ENTREP2: variants seen among roughly 807,000 people sequenced by gnomAD.
ENTREP2 encodes the protein protein ENTREP2.
the ENTREP2 span, among the ~76,000 whole-genome samples, chr15:29,532,069 C>CTATTAA: frequency 2.0e-5 from 3 of 152,314 alleles, no homozygotes; most frequent in South Asian, 6.2e-4. Context: ...GAAGACAATG[C>CTATTAA]TATTAACTAT....
At chr15:29,573,641 C>CT in the ENTREP2 span, among the ~76,000 whole-genome samples, 9 of 150,402 alleles carry the variant, frequency 6.0e-5, no homozygotes, top group South Asian at 2.1e-4. Flanking sequence ...CTCTCTCTCT[C>CT]CCCCCCTCTC....
the ENTREP2 span, among the ~76,000 whole-genome samples, chr15:29,648,759 G>A: frequency 8.6e-5 from 13 of 152,000 alleles, no homozygotes; most frequent in East Asian, 3.9e-4. Flanking sequence ...CCAACATGGC[G>A]AAACCCCATC....
the ENTREP2 span, among the ~76,000 whole-genome samples, chr15:29,664,282 G>T: frequency 6.6e-6 from 1 of 152,128 alleles, no homozygotes; most frequent in Admixed American, 6.5e-5. Context: ...GTGCACTCTG[G>T]TCTGTGGTCA....
At chr15:29,375,005 T>C in the ENTREP2 span, 1 of 152,212 alleles carries the variant, frequency 6.6e-6, no homozygotes, top group South Asian at 2.1e-4. Flanking sequence ...GATTAGATGA[T>C]AGACATTAGG....
At chr15:29,321,223 T>C in the ENTREP2 span, among the ~76,000 whole-genome samples, 147 of 152,192 alleles carry the variant, frequency 9.7e-4, no homozygotes, top group Middle Eastern at 0.01. Flanking sequence ...CACCTTACCA[T>C]AGATGAACAA....
the ENTREP2 span, among the ~76,000 whole-genome samples, chr15:29,190,977 GAT>G: frequency 6.6e-6 from 1 of 152,142 alleles, no homozygotes; most frequent in Non-Finnish European, 1.5e-5. Context: ...GGCTGTCCTG[GAT>G]ATCCGTGCAA....
chr15:29,156,892 C>T, the ENTREP2 span, among the ~76,000 whole-genome samples: 5 of 152,040 alleles, frequency 3.3e-5, no homozygotes, highest in South Asian at 2.1e-4. Context: ...GTCAGGAGTT[C>T]GAGACCAGTC....
the ENTREP2 span, among the ~76,000 whole-genome samples, chr15:29,220,274 T>C: frequency 6.6e-6 from 1 of 152,200 alleles, no homozygotes; most frequent in African/African-American, 2.4e-5. Flanking sequence ...ATTTAGCGCA[T>C]GTGAATTCAG....
the ENTREP2 span, among the ~76,000 whole-genome samples, chr15:29,228,192 G>A: frequency 5.3e-5 from 8 of 152,058 alleles, no homozygotes; most frequent in East Asian, 1.9e-4. Context: ...GGTGGCGGGC[G>A]CCTGTAATCC....
the ENTREP2 span, among the ~76,000 whole-genome samples, chr15:29,231,886 T>TTTTTTTTTTTTTG: frequency 8.8e-6 from 1 of 113,890 alleles, no homozygotes; most frequent in African/African-American, 3.0e-5. Flanking sequence ...TTTTCTTTTC[T>TTTTTTTTTTTTTG]TTTCTTTCTT....
At chr15:29,247,329 A>T in the ENTREP2 span, among the ~76,000 whole-genome samples, 1 of 152,330 alleles carries the variant, frequency 6.6e-6, no homozygotes, top group East Asian at 1.9e-4. Context: ...TGCCAATTCA[A>T]ATCTCAAATC....
chr15:29,511,033 C>T, the ENTREP2 span, among the ~76,000 whole-genome samples: 2 of 151,862 alleles, frequency 1.3e-5, no homozygotes, highest in Non-Finnish European at 2.9e-5. Context: ...CACACTGGGG[C>T]CTGTCGGTGC....
At chr15:29,122,135 C>G in the ENTREP2 span, 1 of 152,246 alleles carries the variant, frequency 6.6e-6, no homozygotes, top group Non-Finnish European at 1.5e-5. Flanking sequence ...GCTGTGGCTG[C>G]TAGTGGCCCT....
At chr15:29,422,228 C>A in the ENTREP2 span, among the ~76,000 whole-genome samples, 1 of 151,844 alleles carries the variant, frequency 6.6e-6, no homozygotes, top group East Asian at 1.9e-4. Context: ...CGAGGTCGCG[C>A]CATTGCACTC....
At chr15:29,358,753 C>T in the ENTREP2 span, among the ~76,000 whole-genome samples, 273 of 150,716 alleles carry the variant, frequency 1.8e-3, 2 homozygotes, top group African/African-American at 6.6e-3. Context: ...GAAAAAAAAA[C>T]CAGAATAAAA....
chr15:29,491,419 A>G, the ENTREP2 span, among the ~76,000 whole-genome samples: 1 of 152,156 alleles, frequency 6.6e-6, no homozygotes, highest in Non-Finnish European at 1.5e-5. Flanking sequence ...CTGCTAGCAC[A>G]TTGTCACCTC....
At chr15:29,322,742 C>T in the ENTREP2 span, among the ~76,000 whole-genome samples, 5 of 152,228 alleles carry the variant, frequency 3.3e-5, no homozygotes, top group African/African-American at 9.6e-5. Flanking sequence ...ACGTGCAACA[C>T]GTGGATTCAG....
the ENTREP2 span, among the ~76,000 whole-genome samples, chr15:29,357,653 T>C: frequency 7.9e-5 from 12 of 152,010 alleles, no homozygotes; most frequent in Admixed American, 1.3e-4. Flanking sequence ...CTGCCTAACA[T>C]GGTGAAACCT....
chr15:29,657,099 G>A, the ENTREP2 span, among the ~76,000 whole-genome samples: 506 of 152,244 alleles, frequency 3.3e-3, 2 homozygotes, highest in African/African-American at 0.012. Flanking sequence ...TCACGCCAGA[G>A]GGCAGTGGCG....
Sources: gnomAD v4.1 joint callset for allele counts (sites outside exome capture counted in the v4.1 genomes callset) on GRCh38, gnomAD v4.1.1 for gene constraint, MANE v1.5 for transcripts, NCBI Gene and HGNC (gene_info 2026-07-23, HGNC 2026-07-21) for gene names.